TMEM266: variants seen among roughly 807,000 people sequenced by gnomAD.
TMEM266 encodes the protein transmembrane protein 266.
In TMEM266, 33 loss-of-function variants were observed where a neutral mutation model predicts 50.5. The ratio of observed to expected loss-of-function variants is 0.65; its 90% CI spans 0.50 to 0.87. The LOEUF (loss-of-function observed/expected upper bound fraction) is 0.87, where lower values mean the gene tolerates loss of function less well. Ranked by LOEUF, TMEM266 falls within the 40% of genes least tolerant of loss-of-function variation. The pLI, the probability that TMEM266 is intolerant of heterozygous loss-of-function variation, is 0.00. For missense variants in TMEM266, 655 were observed against 695.1 expected (o/e 0.94, Z 0.65); for synonymous variants, 310 against 292.3 (o/e 1.06, Z -0.62).
chr15:76,132,049 A>G (rs887171392), intron 1 of TMEM266, among the ~76,000 whole-genome samples: 21 of 152,190 alleles, frequency 1.4e-4, no homozygotes, highest in African/African-American at 5.1e-4. Context: ...CCTGTCTCCC[A>G]GAAGACTTCT....
In TMEM266 at chr15:76,106,996, C is replaced by G. The variant is rs138999894; in HGVS notation, c.-96-27172C>G. ...TGATGGTGGATGTTATCTTCCCAAC[C>G]ACACGTAAACTCACAGAGCACAAGG... On this transcript the variant is annotated intron_variant, in intron 1 of 10. Transcript: ENST00000388942. 4.6e-3 allele frequency among the ~76,000 whole-genome samples: 703 copies of G among 152,302 alleles called. 9 individuals carry two copies. Among genetic ancestry groups the G allele is most frequent in the African/African-American group, 0.016 (677 of 41,566 alleles).
At chr15:76,105,929 A>G (rs1292001190) in intron 1 of TMEM266, among the ~76,000 whole-genome samples, 1 of 152,172 alleles carries the variant, frequency 6.6e-6, no homozygotes, top group African/African-American at 2.4e-5. Context: ...GTGTACAGGG[A>G]AGGTTTTCAT....
At position 76,203,739 on chromosome 15, in the gene TMEM266, A is replaced by G. The variant is rs1200228085; in HGVS notation, c.1022-2A>G. On this transcript the variant is annotated splice_acceptor_variant, in intron 10 of 10. Coordinates refer to ENST00000388942, the MANE Select transcript of TMEM266 (RefSeq NM_152335.3). LOFTEE classifies it high-confidence loss of function. The stretch of plus-strand genomic sequence containing the variant: ...TGACCAAGATCCCCTCCTACCTTGC[A>G]GACAGCGGTGTCCCAGAGCCAGCTG... 6.2e-7 allele frequency: 1 copy of G among 1,610,014 alleles called. No homozygotes were observed. Among genetic ancestry groups the G allele is most frequent in the East Asian group, 2.2e-5 (1 of 44,810 alleles).
At chr15:76,194,250 C>T (rs545770675) in intron 9 of TMEM266, among the ~76,000 whole-genome samples, 1 of 152,376 alleles carries the variant, frequency 6.6e-6, no homozygotes, top group African/African-American at 2.4e-5. Flanking sequence ...CCTGCCTTTA[C>T]TCCAGGGCTT....
chr15:76,173,932 C>CAA (rs888223015), intron 7 of TMEM266, among the ~76,000 whole-genome samples: 4 of 125,454 alleles, frequency 3.2e-5, no homozygotes, highest in Non-Finnish European at 5.0e-5. Context: ...GACTCGGTCT[C>CAA]AAAAAAAAAT....
At chr15:76,188,087 C>A (rs993585934) in intron 8 of TMEM266, among the ~76,000 whole-genome samples, 12 of 151,974 alleles carry the variant, frequency 7.9e-5, no homozygotes, top group Non-Finnish European at 1.6e-4. Flanking sequence ...CCTTCCCCCC[C>A]CACCCCGCCC....
chr15:76,065,437 C>G (rs1486818719), intron 1 of TMEM266, among the ~76,000 whole-genome samples: 1 of 152,180 alleles, frequency 6.6e-6, no homozygotes, highest in Non-Finnish European at 1.5e-5. Context: ...TTCCTCTACT[C>G]TTTGAAATGC....
chr15:76,104,888 G>GT (rs2037057724), intron 1 of TMEM266, among the ~76,000 whole-genome samples: 1 of 151,848 alleles, frequency 6.6e-6, no homozygotes, highest in Non-Finnish European at 1.5e-5. Context: ...AGGATTGACT[G>GT]TTTTGCCTTT....
At chr15:76,150,672 C>G (rs2037826051) in intron 3 of TMEM266, among the ~76,000 whole-genome samples, 1 of 152,172 alleles carries the variant, frequency 6.6e-6, no homozygotes, top group Admixed American at 6.5e-5. Flanking sequence ...AGGCCAGGCC[C>G]CACAGAAGCA....
intron 1 of TMEM266, chr15:76,112,770 T>C (rs1167167997): frequency 6.6e-6 from 1 of 152,228 alleles, no homozygotes; most frequent in Admixed American, 6.5e-5. Context: ...CTGAGAGATT[T>C]CTTTCTTAAT....
chr15:76,075,344 A>C (rs2036590131), intron 1 of TMEM266, among the ~76,000 whole-genome samples: 1 of 152,124 alleles, frequency 6.6e-6, no homozygotes, highest in African/African-American at 2.4e-5. Flanking sequence ...AAATTGAGAA[A>C]GAACATTCAG....
At position 76,063,203 on chromosome 15, in the gene TMEM266, G is replaced by A. The variant is rs559423226; in HGVS notation, c.-97+3187G>A. Among the ~76,000 whole-genome samples the A allele has an allele frequency of 1.5e-3, 228 of 152,238 alleles. 3 individuals are homozygous for A. The South Asian group carries it at 0.028, about 19-fold the overall frequency. On this transcript the variant is annotated intron_variant, in intron 1 of 10. Coordinates refer to ENST00000388942, the MANE Select transcript of TMEM266 (RefSeq NM_152335.3). ...TGTCGTGTGCTGTGTCCTGTGATAGGAAGTTTCACATCTCATATTGCAGTG... is the reference window on the plus strand; with the variant it reads ...TGTCGTGTGCTGTGTCCTGTGATAGAAAGTTTCACATCTCATATTGCAGTG...
chr15:76,104,976 T>C (rs1449532682), intron 1 of TMEM266, among the ~76,000 whole-genome samples: 7 of 152,084 alleles, frequency 4.6e-5, no homozygotes, highest in Admixed American at 3.3e-4. Flanking sequence ...TCCCAACACT[T>C]TGGGAAGCTG....
At chr15:76,091,084 G>A (rs1345891468) in intron 1 of TMEM266, among the ~76,000 whole-genome samples, 1 of 152,078 alleles carries the variant, frequency 6.6e-6, no homozygotes, top group Non-Finnish European at 1.5e-5. Context: ...GTGTCCACTG[G>A]GTTTGGTAAT....
At chr15:76,121,206 G>T (rs2037339370) in intron 1 of TMEM266, among the ~76,000 whole-genome samples, 1 of 152,060 alleles carries the variant, frequency 6.6e-6, no homozygotes, top group South Asian at 2.1e-4. Flanking sequence ...GAAAGATTAA[G>T]GTGGAAGCTG....
intron 8 of TMEM266, among the ~76,000 whole-genome samples, chr15:76,179,564 C>G (rs548581112): frequency 6.6e-6 from 1 of 152,216 alleles, no homozygotes; most frequent in Admixed American, 6.5e-5. Context: ...AAACATTGAT[C>G]AGATTATGCA....
At chr15:76,112,221 A>G (rs1469740320) in intron 1 of TMEM266, 1 of 152,220 alleles carries the variant, frequency 6.6e-6, no homozygotes, top group African/African-American at 2.4e-5. Flanking sequence ...AATGGTGAAC[A>G]TGTGACATTA....
chr15:76,070,101 AG>A (rs1470826243), intron 1 of TMEM266, among the ~76,000 whole-genome samples: 1 of 152,218 alleles, frequency 6.6e-6, no homozygotes, highest in Non-Finnish European at 1.5e-5. Flanking sequence ...TGACTTAAAT[AG>A]GCGGATATCT....
intron 3 of TMEM266, among the ~76,000 whole-genome samples, chr15:76,142,905 C>T (rs2037702185): frequency 6.6e-6 from 1 of 152,182 alleles, no homozygotes; most frequent in African/African-American, 2.4e-5. Context: ...TCAAGGTCTC[C>T]AGCCTCGACT....
Sources: gnomAD v4.1 joint callset for allele counts (sites outside exome capture counted in the v4.1 genomes callset) on GRCh38, gnomAD v4.1.1 for gene constraint, MANE v1.5 for transcripts, NCBI Gene and HGNC (gene_info 2026-07-23, HGNC 2026-07-21) for gene names.